The following DAB1 variants were observed in gnomAD, a reference collection of about 807,000 sequenced individuals.
The protein encoded by DAB1 is DAB adaptor protein 1.
In DAB1, 15 loss-of-function variants were observed where a neutral mutation model predicts 64.6. That is an observed-to-expected ratio of 0.23 (90% CI 0.16 to 0.36). DAB1 has a LOEUF of 0.36. Among genes scored for constraint, DAB1 ranks in the 10% least tolerant of loss-of-function variants. DAB1 has a pLI of 1.00. For missense variants in DAB1, 596 were observed against 706.7 expected, an observed-to-expected ratio of 0.84 and a Z score of 1.78; for synonymous variants, 235 against 251.9, an observed-to-expected ratio of 0.93 and a Z score of 0.64.
intron 3 of DAB1, among the ~76,000 whole-genome samples, chr1:58,495,042 GGATT>G (rs1431708416): frequency 6.6e-6 from 1 of 152,156 alleles, no homozygotes; most frequent in African/African-American, 2.4e-5. Context: ...ATGATAGACT[GGATT>G]AAGAAAATGT....
chr1:58,516,863 T>C (rs1646165326), intron 2 of DAB1, among the ~76,000 whole-genome samples: 1 of 152,156 alleles, frequency 6.6e-6, no homozygotes, highest in Admixed American at 6.5e-5. Flanking sequence ...CAAGAGCACA[T>C]GCATCTATGT....
At chr1:57,571,757 G>C in intron 7 of DAB1, among the ~76,000 whole-genome samples, 1 of 152,138 alleles carries the variant, frequency 6.6e-6, no homozygotes, top group Non-Finnish European at 1.5e-5. Flanking sequence ...ATTTCTCTCT[G>C]GACAGGAATT....
At chr1:58,188,573 C>T (rs138666560) in intron 4 of DAB1, among the ~76,000 whole-genome samples, 21 of 152,262 alleles carry the variant, frequency 1.4e-4, no homozygotes, top group South Asian at 2.1e-4. Context: ...TTTATAATCA[C>T]GGAGCTAGGA....
chr1:58,060,753 G>C, intron 5 of DAB1, among the ~76,000 whole-genome samples: 1 of 152,228 alleles, frequency 6.6e-6, no homozygotes, highest in East Asian at 1.9e-4. Flanking sequence ...CGGCTTTCTG[G>C]GCCAGCAGCC....
At chr1:58,544,277 G>A (rs895060056) in intron 1 of DAB1, among the ~76,000 whole-genome samples, 1 of 152,078 alleles carries the variant, frequency 6.6e-6, no homozygotes, top group African/African-American at 2.4e-5. Context: ...CATTCATTCT[G>A]AAAATGTTTA....
intron 2 of DAB1, among the ~76,000 whole-genome samples, chr1:57,277,021 T>C (rs2100613011): frequency 6.6e-6 from 1 of 152,302 alleles, no homozygotes; most frequent in Middle Eastern, 3.4e-3. Flanking sequence ...AAGAACTCTG[T>C]AATCATCACT....
chr1:58,387,926 A>C (rs1418773088), intron 3 of DAB1, among the ~76,000 whole-genome samples: 1 of 151,912 alleles, frequency 6.6e-6, no homozygotes, highest in Non-Finnish European at 1.5e-5. Flanking sequence ...ACAGGGTTTC[A>C]CCATGTTAGC....
At chr1:57,835,135 C>T (rs1652754365) in intron 1 of DAB1, among the ~76,000 whole-genome samples, 1 of 152,090 alleles carries the variant, frequency 6.6e-6, no homozygotes, top group African/African-American at 2.4e-5. Context: ...GCAGCTCATG[C>T]TGGATAATAA....
In DAB1 at chr1:58,101,382, G is replaced by C. The variant is rs1247786501; in HGVS notation, n.387+49129C>G. 7.9e-5 allele frequency among the ~76,000 whole-genome samples: 12 copies of C among 152,244 alleles called. No homozygotes were observed. In the East Asian group the frequency reaches 2.3e-3, roughly 29 times the overall value. ...GAAAAGCCTGTCACTGGGGTCAGTT[G>C]CTAGGGGGATCAGTAATCGTATGGG... On this transcript the variant is annotated intron_variant and non_coding_transcript_variant, in intron 5 of 20. Transcript: ENST00000485760.
At chr1:57,698,262 A>ATTT (rs71051246) in intron 6 of DAB1, among the ~76,000 whole-genome samples, 16 of 138,930 alleles carry the variant, frequency 1.2e-4, no homozygotes, top group African/African-American at 3.2e-4. Flanking sequence ...ACTTTTAAAC[A>ATTT]TTTTTTTTTT....
At chr1:57,123,879 T>C (rs2100760340) in intron 4 of DAB1, among the ~76,000 whole-genome samples, 1 of 152,318 alleles carries the variant, frequency 6.6e-6, no homozygotes, top group African/African-American at 2.4e-5. Context: ...AAAAAAATCT[T>C]GATTGGGTTT....
intron 1 of DAB1, among the ~76,000 whole-genome samples, chr1:57,395,128 G>T (rs1417414701): frequency 1.3e-5 from 2 of 152,124 alleles, no homozygotes; most frequent in African/African-American, 2.4e-5. Context: ...GGTTTCAGGC[G>T]ATTCTCATGC....
intron 14 of DAB1, among the ~76,000 whole-genome samples, chr1:57,000,040 C>CTTTTTT (rs397863684): frequency 2.7e-5 from 3 of 112,444 alleles, no homozygotes; most frequent in East Asian, 2.8e-4. Flanking sequence ...TTCCTTCTGC[C>CTTTTTT]TTTTTTTTTT....
intron 7 of DAB1, among the ~76,000 whole-genome samples, chr1:57,640,234 C>T (rs990553181): frequency 2.6e-5 from 4 of 152,090 alleles, no homozygotes; most frequent in Non-Finnish European, 5.9e-5. Context: ...CTCTGAGGTT[C>T]CTTAGATTTC....
At chr1:57,859,872 T>G (rs1653930850) in intron 1 of DAB1, among the ~76,000 whole-genome samples, 1 of 152,218 alleles carries the variant, frequency 6.6e-6, no homozygotes, top group Non-Finnish European at 1.5e-5. Context: ...AAGCTACTAT[T>G]AGACAAAGAC....
At chr1:57,812,660 T>A (rs1019643583) in intron 6 of DAB1, among the ~76,000 whole-genome samples, 2 of 152,248 alleles carry the variant, frequency 1.3e-5, no homozygotes, top group African/African-American at 4.8e-5. Flanking sequence ...GTGTGTTTTT[T>A]CTCATTCAGA....
intron 7 of DAB1, among the ~76,000 whole-genome samples, chr1:57,478,333 G>A (rs1643965139): frequency 1.3e-5 from 2 of 152,132 alleles, no homozygotes; most frequent in South Asian, 4.1e-4. Context: ...AAATAGGAAT[G>A]TAATGCATTT....
chr1:57,224,059 T>G (rs1018152996), intron 2 of DAB1, among the ~76,000 whole-genome samples: 6 of 152,192 alleles, frequency 3.9e-5, no homozygotes, highest in Non-Finnish European at 7.3e-5. Flanking sequence ...AACTTTACAC[T>G]GCTATTGCTA....
intron 7 of DAB1, among the ~76,000 whole-genome samples, chr1:57,593,134 C>T (rs1162404672): frequency 6.6e-6 from 1 of 152,134 alleles, no homozygotes; most frequent in Non-Finnish European, 1.5e-5. Flanking sequence ...AACTCTGTAC[C>T]CATGGAAAAT....
Sources: allele counts gnomAD v4.1 joint callset (sites outside exome capture counted in the v4.1 genomes callset), GRCh38; gene constraint gnomAD v4.1.1; transcripts MANE v1.5; gene names NCBI Gene and HGNC (gene_info 2026-07-23, HGNC 2026-07-21).